Variants in TCF7L1 observed in about 807,000 individuals in gnomAD.
TCF7L1 encodes the protein transcription factor 7 like 1.
In TCF7L1, 18 loss-of-function variants were observed where a neutral mutation model predicts 63.7. That is an observed-to-expected ratio of 0.28 (90% CI 0.20 to 0.42). The LOEUF (loss-of-function observed/expected upper bound fraction) is 0.42. TCF7L1 is among the 10% of genes least tolerant of loss of function. The pLI is 1.00. For missense variants in TCF7L1, 654 were observed against 779.3 expected (o/e 0.84, Z 1.91); for synonymous variants, 355 against 340.9 (o/e 1.04, Z -0.46).
At chr2:85,201,169 C>T (rs1390505494) in intron 3 of TCF7L1, among the ~76,000 whole-genome samples, 3 of 152,222 alleles carry the variant, frequency 2.0e-5, no homozygotes, top group Non-Finnish European at 4.4e-5. Flanking sequence ...CACTACTGCA[C>T]TCTAGCCTGG....
At chr2:85,262,904 A>T (rs897758030) in intron 3 of TCF7L1, among the ~76,000 whole-genome samples, 2 of 152,310 alleles carry the variant, frequency 1.3e-5, no homozygotes, top group Admixed American at 1.3e-4. Flanking sequence ...CAGATACCCT[A>T]CCCCTACCCC....
At chr2:85,305,761 C>A (rs571613933) in intron 8 of TCF7L1, among the ~76,000 whole-genome samples, 1 of 152,142 alleles carries the variant, frequency 6.6e-6, no homozygotes, top group Admixed American at 6.5e-5. Flanking sequence ...GGCTGGTGGC[C>A]GAGCTGAGAT....
intron 3 of TCF7L1, among the ~76,000 whole-genome samples, chr2:85,135,751 G>A (rs1008764010): frequency 2.0e-5 from 3 of 151,232 alleles, no homozygotes; most frequent in Non-Finnish European, 2.9e-5. Context: ...TGGGGAGTGG[G>A]ACTACACAGA....
chr2:85,168,470 G>C (rs896278851), intron 3 of TCF7L1, among the ~76,000 whole-genome samples: 9 of 152,178 alleles, frequency 5.9e-5, no homozygotes, highest in African/African-American at 1.9e-4. Flanking sequence ...CACTGTCCCT[G>C]AGGGGGACAC....
At chr2:85,254,771 A>G (rs1371830795) in intron 3 of TCF7L1, among the ~76,000 whole-genome samples, 1 of 152,168 alleles carries the variant, frequency 6.6e-6, no homozygotes, top group Non-Finnish European at 1.5e-5. Flanking sequence ...GTCTGGCATT[A>G]GTACTAAGAA....
At chr2:85,293,580 T>G (rs1681774645) in intron 4 of TCF7L1, among the ~76,000 whole-genome samples, 1 of 152,150 alleles carries the variant, frequency 6.6e-6, no homozygotes, top group African/African-American at 2.4e-5. Flanking sequence ...TTTATAGCAA[T>G]GCAAGAACAG....
chr2:85,255,816 G>A (rs1244278202), intron 3 of TCF7L1, among the ~76,000 whole-genome samples: 1 of 152,214 alleles, frequency 6.6e-6, no homozygotes, highest in Non-Finnish European at 1.5e-5. Context: ...TGAGCCGCCT[G>A]TGGTGATTCC....
At chr2:85,148,002 A>G (rs1677921664) in intron 3 of TCF7L1, among the ~76,000 whole-genome samples, 1 of 152,188 alleles carries the variant, frequency 6.6e-6, no homozygotes, top group Non-Finnish European at 1.5e-5. Flanking sequence ...GGATGCATAG[A>G]GGAGAGTTAC....
intron 3 of TCF7L1, among the ~76,000 whole-genome samples, chr2:85,272,025 TG>T (rs1434136968): frequency 2.0e-5 from 3 of 152,196 alleles, no homozygotes; most frequent in Admixed American, 1.3e-4. Context: ...CGATGTGGTT[TG>T]CAGCCCACTA....
chr2:85,171,334 G>A (rs1678540826), intron 3 of TCF7L1, among the ~76,000 whole-genome samples: 1 of 152,220 alleles, frequency 6.6e-6, no homozygotes, highest in African/African-American at 2.4e-5. Context: ...CACATGAGAA[G>A]GATTATGTCA....
chr2:85,278,974 A>G (rs1170319724), intron 3 of TCF7L1, among the ~76,000 whole-genome samples: 1 of 152,224 alleles, frequency 6.6e-6, no homozygotes, highest in Non-Finnish European at 1.5e-5. Flanking sequence ...TCAATGTGTT[A>G]CATTCCGGTG....
chr2:85,184,286 A>C (rs968484717), intron 3 of TCF7L1, among the ~76,000 whole-genome samples: 3 of 152,200 alleles, frequency 2.0e-5, no homozygotes, highest in African/African-American at 2.4e-5. Flanking sequence ...CGCTGCAGTC[A>C]GCAGATGGGC....
At chr2:85,224,994 A>G (rs867721417) in intron 3 of TCF7L1, among the ~76,000 whole-genome samples, 3 of 152,372 alleles carry the variant, frequency 2.0e-5, no homozygotes, top group African/African-American at 2.4e-5. Context: ...AGCTTTCTAC[A>G]TATGGCTAGC....
chr2:85,218,636 C>T (rs1237458018), intron 3 of TCF7L1, among the ~76,000 whole-genome samples: 2 of 142,908 alleles, frequency 1.4e-5, no homozygotes, highest in African/African-American at 5.3e-5. Context: ...CTTTTTATTC[C>T]AATGGGGGGG....
At chr2:85,278,546 G>A (rs1250315070) in intron 3 of TCF7L1, among the ~76,000 whole-genome samples, 1 of 152,146 alleles carries the variant, frequency 6.6e-6, no homozygotes, top group Non-Finnish European at 1.5e-5. Context: ...TCTCATAAAT[G>A]AGTCAAATAA....
intron 3 of TCF7L1, among the ~76,000 whole-genome samples, chr2:85,176,971 A>G (rs1387974840): frequency 7.1e-5 from 10 of 139,916 alleles, no homozygotes; most frequent in African/African-American, 2.7e-4. Flanking sequence ...TGGGTGACAG[A>G]GCGAGACTCT....
chr2:85,300,857 G>A (rs915609190), intron 4 of TCF7L1, among the ~76,000 whole-genome samples: 6 of 149,680 alleles, frequency 4.0e-5, no homozygotes, highest in Non-Finnish European at 7.4e-5. Flanking sequence ...TCGGCTCACT[G>A]CAGCCTCTGC....
intron 3 of TCF7L1, among the ~76,000 whole-genome samples, chr2:85,136,168 G>C (rs1023762849): frequency 1.1e-4 from 16 of 152,178 alleles, no homozygotes; most frequent in Admixed American, 1.3e-4. Context: ...TCCTGATGCA[G>C]TTAAAGTCAC....
intron 3 of TCF7L1, among the ~76,000 whole-genome samples, chr2:85,145,816 C>T (rs997422204): frequency 2.0e-5 from 3 of 152,132 alleles, no homozygotes; most frequent in Admixed American, 1.3e-4. Flanking sequence ...AGCAGTGCTC[C>T]GGAGATGATG....
Sources: allele counts gnomAD v4.1 joint callset (sites outside exome capture counted in the v4.1 genomes callset), GRCh38; gene constraint gnomAD v4.1.1; transcripts MANE v1.5; gene names NCBI Gene and HGNC (gene_info 2026-07-23, HGNC 2026-07-21).